STXBP5L: variants seen among roughly 807,000 people sequenced by gnomAD.
STXBP5L encodes the protein syntaxin-binding protein 5-like.
A neutral mutation model predicts 144.5 loss-of-function variants in STXBP5L; 65 were observed. The ratio of observed to expected loss-of-function variants is 0.45; its 90% CI spans 0.37 to 0.55. STXBP5L has a LOEUF of 0.55. Ranked by LOEUF, STXBP5L falls within the 20% of genes least tolerant of loss-of-function variation. The pLI is 0.00. For missense variants in STXBP5L, 1,298 were observed against 1,405.5 expected, an observed-to-expected ratio of 0.92 and a Z score of 1.22; for synonymous variants, 505 against 469.6, an observed-to-expected ratio of 1.08 and a Z score of -0.97.
intron 20 of STXBP5L, among the ~76,000 whole-genome samples, chr3:121,345,196 T>A (rs2044907024): frequency 6.6e-6 from 1 of 151,972 alleles, no homozygotes; most frequent in African/African-American, 2.4e-5. Flanking sequence ...TGTGTGATGT[T>A]CCTCACCCTG....
chr3:121,009,891 T>C (rs1576651728), intron 3 of STXBP5L, among the ~76,000 whole-genome samples: 1 of 151,930 alleles, frequency 6.6e-6, no homozygotes, highest in Non-Finnish European at 1.5e-5. Flanking sequence ...ATGGCCTTGC[T>C]CAAGAACTCG....
intron 9 of STXBP5L, among the ~76,000 whole-genome samples, chr3:121,179,394 G>C (rs562034811): frequency 9.9e-5 from 15 of 151,904 alleles, no homozygotes; most frequent in Non-Finnish European, 1.9e-4. Flanking sequence ...TCCATAAGAG[G>C]GAAAAAAAGT....
chr3:121,252,512 C>T (rs1454182835), intron 15 of STXBP5L, among the ~76,000 whole-genome samples: 1 of 152,048 alleles, frequency 6.6e-6, no homozygotes, highest in African/African-American at 2.4e-5. Context: ...TATTTTATCA[C>T]ATTTAGAATA....
chr3:121,282,932 C>T (rs1210766501), intron 19 of STXBP5L, among the ~76,000 whole-genome samples: 1 of 151,764 alleles, frequency 6.6e-6, no homozygotes, highest in Non-Finnish European at 1.5e-5. Context: ...TCAACCTTTA[C>T]CATGGTATCA....
In STXBP5L at chr3:121,229,065, A is replaced by G. The variant is rs1378655490; in HGVS notation, c.1112-4551A>G. On this transcript the variant is annotated intron_variant, in intron 11 of 26. Transcript: ENST00000471454. ...GAATTTCCTTCATAAGTTCCCATTC[A>G]TGAACCTTATCATGATTTACTCAGA... Among the ~76,000 whole-genome samples, 3 of 152,158 alleles carry G rather than the reference A, an allele frequency of 2.0e-5. No homozygotes were observed. In the East Asian group the frequency reaches 5.8e-4, roughly 29 times the overall value.
At chr3:120,909,951 A>G (rs984403452) in intron 2 of STXBP5L, among the ~76,000 whole-genome samples, 184 bp downstream of exon 2, 11 of 152,224 alleles carry the variant, frequency 7.2e-5, no homozygotes, top group Admixed American at 6.5e-4. Flanking sequence ...TTAAAAAGCA[A>G]TGATAGTTTA....
intron 2 of STXBP5L, among the ~76,000 whole-genome samples, chr3:120,953,832 A>T (rs1290514765): frequency 6.6e-6 from 1 of 152,152 alleles, no homozygotes; most frequent in African/African-American, 2.4e-5. Context: ...GATGGGATAG[A>T]ACCTTCAGTA....
chr3:121,016,668 G>A (rs1945167958), intron 3 of STXBP5L, among the ~76,000 whole-genome samples: 1 of 152,156 alleles, frequency 6.6e-6, no homozygotes, highest in Non-Finnish European at 1.5e-5. Context: ...AGAAGCAGAA[G>A]AAAGAGTGAG....
chr3:121,034,987 A>G (rs781659937), intron 3 of STXBP5L, among the ~76,000 whole-genome samples: 7 of 152,022 alleles, frequency 4.6e-5, no homozygotes, highest in Non-Finnish European at 1.0e-4. Context: ...AGCATTTTTT[A>G]TATACTTGTT....
At chr3:121,093,573 G>A (rs934166493) in intron 5 of STXBP5L, among the ~76,000 whole-genome samples, 2 of 152,190 alleles carry the variant, frequency 1.3e-5, no homozygotes, top group Non-Finnish European at 2.9e-5. Context: ...GCTGTTTGTA[G>A]TATTCGCTGA....
chr3:121,132,021 G>A (rs1199265772), intron 7 of STXBP5L, among the ~76,000 whole-genome samples: 1 of 152,148 alleles, frequency 6.6e-6, no homozygotes, highest in African/African-American at 2.4e-5. Flanking sequence ...CCTAAGGGAG[G>A]TAAGAACTTT....
At chr3:121,112,654 G>A (rs2044044649) in intron 5 of STXBP5L, among the ~76,000 whole-genome samples, 1 of 151,810 alleles carries the variant, frequency 6.6e-6, no homozygotes, top group African/African-American at 2.4e-5. Flanking sequence ...GAGTTATTCG[G>A]TGAAGATTGA....
chr3:120,976,399 A>G lies in STXBP5L; in HGVS notation c.287+21362A>G, dbSNP rs562793118. Among the ~76,000 whole-genome samples, 4 of 152,164 alleles carry G rather than the reference A, an allele frequency of 2.6e-5. No individual in the cohort carries two copies. The East Asian group carries it at 5.8e-4, about 22-fold the overall frequency. On this transcript the variant is annotated intron_variant, in intron 3 of 26. Transcript: ENST00000471454. ...TGGGATTGGTGGTGATATCCCCTCT[A>G]TCATTTTTCATTGTGTCTATTTGAT...
intron 3 of STXBP5L, among the ~76,000 whole-genome samples, chr3:121,015,631 A>G (rs1945090454): frequency 1.3e-5 from 2 of 152,202 alleles, no homozygotes; most frequent in Admixed American, 1.3e-4. Context: ...TTCTCATGGT[A>G]GAGATCTGAG....
At chr3:121,186,148 G>A (rs1012185276) in intron 9 of STXBP5L, among the ~76,000 whole-genome samples, 1 of 152,190 alleles carries the variant, frequency 6.6e-6, no homozygotes, top group Non-Finnish European at 1.5e-5. Context: ...CATCGATTTT[G>A]TATCCTGAGA....
intron 20 of STXBP5L, among the ~76,000 whole-genome samples, chr3:121,352,043 A>G (rs561993551): frequency 6.6e-6 from 1 of 152,004 alleles, no homozygotes; most frequent in Non-Finnish European, 1.5e-5. Context: ...ATTGGTCTAT[A>G]TCTCTGTTTT....
At chr3:121,286,466 T>A (rs922940248) in intron 19 of STXBP5L, among the ~76,000 whole-genome samples, 1 of 152,180 alleles carries the variant, frequency 6.6e-6, no homozygotes, top group Non-Finnish European at 1.5e-5. Context: ...TTCTAGGCAT[T>A]AAGTACATAG....
intron 20 of STXBP5L, among the ~76,000 whole-genome samples, chr3:121,353,530 C>T (rs1438966348): frequency 6.6e-6 from 1 of 151,966 alleles, no homozygotes; most frequent in African/African-American, 2.4e-5. Context: ...GTGGTGATAT[C>T]CCTTTTATCA....
At chr3:121,309,966 GA>G (rs1331763984) in intron 19 of STXBP5L, among the ~76,000 whole-genome samples, 1 of 145,298 alleles carries the variant, frequency 6.9e-6, no homozygotes, top group African/African-American at 2.4e-5. Flanking sequence ...TGTGGTAATT[GA>G]AAAAAAGATA....
Sources: gnomAD v4.1 joint callset for allele counts (sites outside exome capture counted in the v4.1 genomes callset) on GRCh38, gnomAD v4.1.1 for gene constraint, MANE v1.5 for transcripts, NCBI Gene and HGNC (gene_info 2026-07-23, HGNC 2026-07-21) for gene names.